ITPR3: variants seen among roughly 807,000 people sequenced by gnomAD.
The protein encoded by ITPR3 is inositol 1,4,5-trisphosphate-gated calcium channel ITPR3.
In ITPR3, 173 loss-of-function variants were observed where a neutral mutation model predicts 293.2. The observed-to-expected ratio is 0.59, with a 90% CI of 0.52 to 0.67. ITPR3 has a LOEUF of 0.67. Ranked by LOEUF, ITPR3 falls within the 30% of genes least tolerant of loss-of-function variation. ITPR3 has a pLI of 0.00. For missense variants in ITPR3, 2,796 were observed against 3,592.1 expected (o/e 0.78, Z 5.66); for synonymous variants, 1,295 against 1,444.4 (o/e 0.90, Z 2.35).
Position 33,684,850 on chromosome 6 carries a change from C to A in ITPR3, c.5214C>A (p.Cys1738Ter). The A allele has an allele frequency of 6.2e-7, 1 of 1,614,068 alleles. No individual in the cohort carries two copies. Residue 1738 changes from cysteine (C) to a stop codon, truncating the protein, a stop_gained, in exon 39 of 58, where the codon TGC becomes TGA. Transcript: ENST00000605930. LOFTEE classifies it high-confidence loss of function. This position sits in a 1 kb window ranked among gnomAD's most constrained non-coding sequence, Gnocchi z 4.2. The stretch of plus-strand genomic sequence containing the variant: ...AGGAGGGGGCCACCAAGTTGGTATG[C>A]GACCTCATCACCAGCACCAAGAACG... The part of the protein sequence containing the change: ...LDKEGATKLV[C>*]DLITSTKNEK...
In ITPR3 at chr6:33,685,103, G is replaced by A. The variant is rs753890; in HGVS notation, c.5307+160G>A. Among the ~76,000 whole-genome samples the A allele has an allele frequency of 0.41, 62,989 of 152,094 alleles. 15,607 individuals are homozygous for A. The highest frequency in any genetic ancestry group is 0.89 in the East Asian group (4,594 of 5,162). On this transcript the variant is annotated intron_variant, in intron 39 of 57. Transcript: ENST00000605930. ...GAAGAGTGGGCATGATGGGGGCAGGGTGGTGAGGAGACGGGCTCAGGCCTG... is the reference window on the plus strand; with the variant it reads ...GAAGAGTGGGCATGATGGGGGCAGGATGGTGAGGAGACGGGCTCAGGCCTG...
chr6:33,630,496 C>G (rs966646728), intron 1 of ITPR3, among the ~76,000 whole-genome samples: 1 of 152,188 alleles, frequency 6.6e-6, no homozygotes, highest in African/African-American at 2.4e-5. Context: ...ATGGTTGCAC[C>G]TTTTCTCCCT....
At position 33,670,929 on chromosome 6, in the gene ITPR3, G is replaced by C. The variant is rs978917016; in HGVS notation, c.2586+114G>C. The C allele has an allele frequency of 4.0e-5, 56 of 1,412,732 alleles. No homozygotes were observed. Among genetic ancestry groups the C allele is most frequent in the Non-Finnish European group, 5.4e-5 (56 of 1,036,368 alleles). The allele number at this position is 1,412,732 out of a possible 1,614,324, so 87.5% of individuals were successfully genotyped here. On this transcript the variant is annotated intron_variant, in intron 20 of 57. Transcript: ENST00000605930. This position sits in a 1 kb window ranked among gnomAD's most constrained non-coding sequence, Gnocchi z 6.7. ...GGGATCCATGACCCCACTTCCTTCTGTGTCCCCAGCCAGTGCAGGGGGACC... is the reference window on the plus strand; with the variant it reads ...GGGATCCATGACCCCACTTCCTTCTCTGTCCCCAGCCAGTGCAGGGGGACC...
At chr6:33,626,010 C>A (rs1264163161) in intron 1 of ITPR3, among the ~76,000 whole-genome samples, 5 of 152,224 alleles carry the variant, frequency 3.3e-5, no homozygotes, top group Non-Finnish European at 5.9e-5. Flanking sequence ...TCTGGGTTCA[C>A]TGCAGCCTTA....
At chr6:33,663,681 G>A (rs1216797264) in intron 10 of ITPR3, 57 bp from the exon 11 acceptor site, 3 of 1,609,554 alleles carry the variant, frequency 1.9e-6, no homozygotes, top group East Asian at 2.2e-5. Flanking sequence ...GATCCCAGGT[G>A]CTTCATGGGC....
rs1304925384 is a variant in ITPR3, at chr6:33,677,102, G to A, written c.3522+13G>A. On this transcript the variant is annotated intron_variant, in intron 27 of 57. Transcript: ENST00000605930. ...GATCGTCAAGGGCGTGAGTGGCCAA[G>A]GGTCCTCGGGGTAGGGATCTGCAGC... 1.9e-6 allele frequency: 3 copies of A among 1,612,218 alleles called. No individual in the cohort carries two copies. The highest frequency in any genetic ancestry group is 3.3e-5 in the Admixed American group (2 of 60,018).
intron 55 of ITPR3, among the ~76,000 whole-genome samples, chr6:33,693,200 C>T (rs992103330): frequency 6.6e-6 from 1 of 152,210 alleles, no homozygotes; most frequent in African/African-American, 2.4e-5. Context: ...AAGTGCTAGT[C>T]CCCTCACCAG....
rs892280264 is a variant in ITPR3 at position 33,666,175 on chromosome 6, C to T, written c.1551+199C>T. On this transcript the variant is annotated intron_variant, in intron 14 of 57. Transcript: ENST00000605930. This position sits in a 1 kb window ranked among gnomAD's most constrained non-coding sequence, Gnocchi z 5.1. ...TGGAGGAGGCGCCGTGATTCTTACCCCGTTTTACTGGTGAGGAAGCTGAAA... is the reference window on the plus strand; with the variant it reads ...TGGAGGAGGCGCCGTGATTCTTACCTCGTTTTACTGGTGAGGAAGCTGAAA... Among the ~76,000 whole-genome samples the T allele has an allele frequency of 7.2e-5, 11 of 152,302 alleles. No individual in the cohort carries two copies. The East Asian group carries it at 2.1e-3, about 29-fold the overall frequency.
intron 28 of ITPR3, among the ~76,000 whole-genome samples, 173 bp downstream of exon 28, chr6:33,677,802 T>C (rs1001944982): frequency 6.6e-6 from 1 of 152,098 alleles, no homozygotes; most frequent in African/African-American, 2.4e-5. Context: ...TTAGTATCGG[T>C]TCAACCTTTG....
At position 33,670,173 on chromosome 6, in the gene ITPR3, T is replaced by G; in HGVS notation, c.2190-152T>G. On this transcript the variant is annotated intron_variant, in intron 18 of 57. Transcript: ENST00000605930. This position sits in a 1 kb window ranked among gnomAD's most constrained non-coding sequence, Gnocchi z 6.7. ...AGTACTGGTTATCACAGACAGGTTT[T>G]CCGTTCACCTTTCTAACTCAGAATT... The G allele has an allele frequency of 1.3e-6, 1 of 794,984 alleles. No homozygotes were observed. Among genetic ancestry groups the G allele is most frequent in the African/African-American group, 1.7e-5 (1 of 58,220 alleles). 49.2% of individuals were successfully genotyped at this position (794,984 alleles called of 1,614,324 possible). A position where few individuals can be genotyped will look rare whatever the true frequency, so the allele number is the denominator to read the frequency against.
rs908183610 is a variant in ITPR3, at chr6:33,633,893, C to T, written c.90-6591C>T. 1.3e-5 allele frequency among the ~76,000 whole-genome samples: 2 copies of T among 150,480 alleles called. No individual in the cohort carries two copies. The highest frequency in any genetic ancestry group is 3.0e-5 in the Non-Finnish European group (2 of 67,402). ...CCAGGGAGGCCAGACCTACGCTCTCCGGAGCCGCGCGGACCCAGAACCGCT... is the reference window on the plus strand; with the variant it reads ...CCAGGGAGGCCAGACCTACGCTCTCTGGAGCCGCGCGGACCCAGAACCGCT... On this transcript the variant is annotated intron_variant, in intron 1 of 57. Transcript: ENST00000605930. The surrounding 1 kb of genome is among the most constrained non-coding windows in gnomAD (Gnocchi z 5.2).
At chr6:33,676,700 G>T (rs542426690) in intron 25 of ITPR3, 68 bp from the exon 26 acceptor site, 2 of 1,579,732 alleles carry the variant, frequency 1.3e-6, no homozygotes, top group African/African-American at 2.7e-5. Context: ...TAAGGAAGGT[G>T]CTGGAGGTCT....
chr6:33,686,476 G>GC lies in ITPR3; in HGVS notation c.5941dup (p.Leu1981ProfsTer29), dbSNP rs2127310021. ...ACCGCACTGATCCTCAATGACATCA[G>GC]CCCCCTGTGCAAGTACCGCATGGAT... On this transcript the variant is annotated frameshift_variant, in exon 43 of 58. Transcript: ENST00000605930. LOFTEE classifies it high-confidence loss of function. 6.2e-7 allele frequency: 1 copy of GC among 1,614,236 alleles called. No homozygotes were observed. The highest frequency in any genetic ancestry group is 8.5e-7 in the Non-Finnish European group (1 of 1,180,038).
rs530605544 is a variant in ITPR3, at chr6:33,654,722, A to G, written c.161-1044A>G. The stretch of plus-strand genomic sequence containing the variant: ...TTCCACACTGCCAGAGCATTGTACA[A>G]TCAGGGACTCACACAGCTGCAGCAT... On this transcript the variant is annotated intron_variant, in intron 2 of 57. Transcript: ENST00000605930. The surrounding 1 kb of genome is among the most constrained non-coding windows in gnomAD (Gnocchi z 4.1). Among the ~76,000 whole-genome samples the G allele has an allele frequency of 6.6e-6, 1 of 152,160 alleles. No individual in the cohort carries two copies. Among genetic ancestry groups the G allele is most frequent in the Non-Finnish European group, 1.5e-5 (1 of 68,026 alleles).
chr6:33,692,879 C>T lies in ITPR3; in HGVS notation c.7610C>T (p.Thr2537Ile). ...KQKKEEILKT[T>I]CFICGLERDK... ...AAGAAGGAGGAGATTCTTAAGACGA[C>T]ATGCTTCATCTGTGGTGAGGGCTGC... The change falls in exon 55 of 58, where the codon ACA (threonine) becomes ATA (isoleucine). Residue 2537 changes from threonine (T) to isoleucine (I), a missense_variant. Thr to Ile is a moderately conservative substitution (Grantham distance 89). Around this residue, in one of 8 missense-constraint regions of ITPR3, gnomAD observed 568 missense variants for 796.1 expected, o/e 0.71. Transcript: ENST00000605930. The surrounding 1 kb of genome is among the most constrained non-coding windows in gnomAD (Gnocchi z 4.2). 1.2e-6 allele frequency: 2 copies of T among 1,614,128 alleles called. No individual in the cohort carries two copies. The highest frequency in any genetic ancestry group is 1.7e-6 in the Non-Finnish European group (2 of 1,179,986).
At chr6:33,668,780 T>C in intron 17 of ITPR3, 146 bp downstream of exon 17, 1 of 1,366,830 alleles carries the variant, frequency 7.3e-7, no homozygotes. Context: ...TGTGCCCCGC[T>C]GTGTGCCTGG....
In ITPR3 at chr6:33,682,754, C is replaced by G. The variant is rs1280481017; in HGVS notation, c.4597+110C>G. Reference sequence around the variant, plus strand: ...TATCCCTAAGCTCGCCCATCTCCTGCTCCCAGGTGGTTGTCAGTAAGTTCT... The same window carrying G: ...TATCCCTAAGCTCGCCCATCTCCTGGTCCCAGGTGGTTGTCAGTAAGTTCT... On this transcript the variant is annotated intron_variant, in intron 34 of 57. Transcript: ENST00000605930. The surrounding 1 kb of genome is among the most constrained non-coding windows in gnomAD (Gnocchi z 5.4). The G allele has an allele frequency of 2.2e-6, 3 of 1,373,804 alleles. No homozygotes were observed. Among genetic ancestry groups the G allele is most frequent in the Non-Finnish European group, 2.9e-6 (3 of 1,043,028 alleles). The allele number at this position is 1,373,804 out of a possible 1,614,324, so 85.1% of individuals were successfully genotyped here.
Position 33,671,227 on chromosome 6 carries a change from G to A in ITPR3, c.2649G>A (p.Arg883=). ...FGFYSFSELL[R]LTRTLLGIID... ...TCTACAGCTTCAGCGAGCTGCTGCG[G>A]CTCACTCGCACACTGCTGGGCATCA... The change falls in exon 21 of 58, where the codon CGG becomes CGA. Residue 883 remains arginine (R), a synonymous_variant. Coordinates refer to ENST00000605930, the MANE Select transcript of ITPR3 (RefSeq NM_002224.4). The A allele has an allele frequency of 6.2e-7, 1 of 1,613,742 alleles. No individual in the cohort carries two copies. Among genetic ancestry groups the A allele is most frequent in the Non-Finnish European group, 8.5e-7 (1 of 1,179,980 alleles).
intron 2 of ITPR3, among the ~76,000 whole-genome samples, chr6:33,650,796 CTT>C (rs1171671365): frequency 5.0e-5 from 7 of 138,762 alleles, no homozygotes; most frequent in Non-Finnish European, 1.6e-5. Flanking sequence ...GATCTTCAAG[CTT>C]TTTTTTTTTT....
Sources: allele counts gnomAD v4.1 joint callset (sites outside exome capture counted in the v4.1 genomes callset), GRCh38; gene constraint gnomAD v4.1.1; regional missense constraint gnomAD v4.1.1; non-coding constraint Gnocchi (gnomAD v3.1); transcripts MANE v1.5; gene names NCBI Gene and HGNC (gene_info 2026-07-23, HGNC 2026-07-21).